SPTLC3: variants seen among roughly 807,000 people sequenced by gnomAD.
SPTLC3 encodes the protein serine palmitoyltransferase 3.
In SPTLC3, 36 loss-of-function variants were observed where a neutral mutation model predicts 59.3. The ratio of observed to expected loss-of-function variants is 0.61; its 90% CI spans 0.47 to 0.80. The LOEUF (loss-of-function observed/expected upper bound fraction) is 0.80, where lower values mean the gene tolerates loss of function less well. Ranked by LOEUF, SPTLC3 falls within the 30% of genes least tolerant of loss-of-function variation. The pLI, the probability that SPTLC3 is intolerant of heterozygous loss-of-function variation, is 0.00. For missense variants in SPTLC3, 625 were observed against 685.1 expected, an observed-to-expected ratio of 0.91 and a Z score of 0.98; for synonymous variants, 257 against 240.8, an observed-to-expected ratio of 1.07 and a Z score of -0.62.
intron 2 of SPTLC3, among the ~76,000 whole-genome samples, chr20:13,066,037 C>T (rs570427935): frequency 2.6e-5 from 4 of 152,348 alleles, no homozygotes; most frequent in South Asian, 4.1e-4. Flanking sequence ...ATAATTGAAA[C>T]GTTGTACCCT....
At position 13,076,138 on chromosome 20, in the gene SPTLC3, C is replaced by CA; in HGVS notation, c.607+1644dup. 3.3e-5 allele frequency among the ~76,000 whole-genome samples: 5 copies of CA among 152,164 alleles called. No individual in the cohort carries two copies. In the South Asian group the frequency reaches 1.0e-3, roughly 32 times the overall value. ...TTTTTCAAGTAAATAGTGAAAGACT[C>CA]AAAGAGAAGCCACCGTCACTAATTT... On this transcript the variant is annotated intron_variant, in intron 4 of 11. Coordinates refer to ENST00000399002, the MANE Select transcript of SPTLC3 (RefSeq NM_018327.4).
At chr20:13,162,509 A>G (rs924135320) in intron 11 of SPTLC3, among the ~76,000 whole-genome samples, 2 of 152,178 alleles carry the variant, frequency 1.3e-5, no homozygotes, top group Non-Finnish European at 2.9e-5. Context: ...GAAAATGGAA[A>G]ATGACCCTGA....
At chr20:13,064,034 T>C (rs1162656424) in intron 2 of SPTLC3, among the ~76,000 whole-genome samples, 1 of 151,334 alleles carries the variant, frequency 6.6e-6, no homozygotes, top group Non-Finnish European at 1.5e-5. Context: ...TCTTTTTCTT[T>C]TTCTTCTTTT....
At chr20:13,077,136 A>G (rs1988675834) in intron 4 of SPTLC3, among the ~76,000 whole-genome samples, 1 of 152,250 alleles carries the variant, frequency 6.6e-6, no homozygotes, top group South Asian at 2.1e-4. Context: ...AAAAAATGAT[A>G]TGGTAATAGG....
At position 13,167,581 on chromosome 20, in the gene SPTLC3, T is replaced by G. The variant is rs756072066; in HGVS notation, c.*2714T>G. The G allele has an allele frequency of 2.6e-5, 4 of 152,198 alleles. No individual in the cohort carries two copies. Among genetic ancestry groups the G allele is most frequent in the Non-Finnish European group, 5.9e-5 (4 of 68,036 alleles). The allele number at this position is 152,198 out of a possible 1,614,324, so 9.4% of individuals were successfully genotyped here. Reference sequence around the variant, plus strand: ...ACCTCAGGAAAGCAGAAGATAAAGGTTCCAGATGATATTTGTAAGGAGGCT... The same window carrying G: ...ACCTCAGGAAAGCAGAAGATAAAGGGTCCAGATGATATTTGTAAGGAGGCT... On this transcript the variant is annotated 3_prime_UTR_variant, in exon 12 of 12. Transcript: ENST00000399002.
At chr20:13,059,636 T>G (rs1356322001) in intron 2 of SPTLC3, among the ~76,000 whole-genome samples, 2 of 152,196 alleles carry the variant, frequency 1.3e-5, no homozygotes, top group East Asian at 1.9e-4. Context: ...TAATACCAGA[T>G]CAATGCTTTA....
chr20:13,164,569 C>T (rs2038959533), intron 11 of SPTLC3, 185 bp from the exon 12 acceptor site: 2 of 602,894 alleles, frequency 3.3e-6, no homozygotes, highest in Non-Finnish European at 3.0e-6. Context: ...TAATTAGCAT[C>T]TAACATTCCT....
chr20:13,071,622 G>T (rs1010861305), intron 2 of SPTLC3, among the ~76,000 whole-genome samples: 2 of 152,168 alleles, frequency 1.3e-5, no homozygotes, highest in Middle Eastern at 3.2e-3. Context: ...AACGGGAAGA[G>T]GGAACTATTA....
chr20:13,112,901 G>A (rs1990316726), intron 7 of SPTLC3, among the ~76,000 whole-genome samples: 1 of 152,176 alleles, frequency 6.6e-6, no homozygotes, highest in African/African-American at 2.4e-5. Flanking sequence ...TTTCCCATAA[G>A]GCCAGGTGCA....
At chr20:13,073,927 A>T in intron 3 of SPTLC3, 1 of 575,046 alleles carries the variant, frequency 1.7e-6, no homozygotes, top group Non-Finnish European at 3.5e-6. Context: ...TTCATCCTGG[A>T]TCATCCAGGG....
chr20:13,036,795 C>T (rs957780381), intron 1 of SPTLC3, among the ~76,000 whole-genome samples: 3 of 152,030 alleles, frequency 2.0e-5, no homozygotes, highest in Non-Finnish European at 4.4e-5. Context: ...CAGTCCTGCC[C>T]CCTCCACTGA....
chr20:13,075,060 A>G (rs1988592572), intron 4 of SPTLC3, among the ~76,000 whole-genome samples: 1 of 152,070 alleles, frequency 6.6e-6, no homozygotes, highest in Non-Finnish European at 1.5e-5. Context: ...AGAAAGAATA[A>G]TGCAAGCTTG....
intron 9 of SPTLC3, among the ~76,000 whole-genome samples, chr20:13,146,832 C>T (rs1176004076): frequency 1.3e-5 from 2 of 152,174 alleles, no homozygotes; most frequent in Non-Finnish European, 2.9e-5. Context: ...TCATCATGAG[C>T]GAGTTTACCA....
chr20:13,086,776 T>C (rs1265687073), intron 4 of SPTLC3, among the ~76,000 whole-genome samples: 1 of 152,042 alleles, frequency 6.6e-6, no homozygotes, highest in Non-Finnish European at 1.5e-5. Flanking sequence ...TGTTTTCTTT[T>C]TCCTTTTCCT....
rs1236337174 is a variant in SPTLC3 at position 13,091,886 on chromosome 20, A to G, written c.732+679A>G. On this transcript the variant is annotated intron_variant, in intron 5 of 11. Transcript: ENST00000399002. Reference sequence around the variant, plus strand: ...ATTTATTTTTTCATTCAATAAACCAATTATTGAGAACCTACTATGTCCTCA... The same window carrying G: ...ATTTATTTTTTCATTCAATAAACCAGTTATTGAGAACCTACTATGTCCTCA... Among the ~76,000 whole-genome samples the G allele has an allele frequency of 2.0e-5, 3 of 152,230 alleles. No homozygotes were observed. The East Asian group carries it at 5.8e-4, about 29-fold the overall frequency.
At chr20:13,082,990 T>C (rs1182129406) in intron 4 of SPTLC3, among the ~76,000 whole-genome samples, 1 of 152,202 alleles carries the variant, frequency 6.6e-6, no homozygotes, top group Non-Finnish European at 1.5e-5. Flanking sequence ...AAGAACCATG[T>C]GACAGAAATG....
At chr20:13,158,210 T>G (rs1470845038) in intron 10 of SPTLC3, among the ~76,000 whole-genome samples, 1 of 152,250 alleles carries the variant, frequency 6.6e-6, no homozygotes, top group Non-Finnish European at 1.5e-5. Context: ...TATTATTATT[T>G]CACAAAGTTT....
In SPTLC3 at chr20:13,159,988, T is replaced by C. The variant is rs1268228255; in HGVS notation, c.1416-15T>C. On this transcript the variant is annotated splice_polypyrimidine_tract_variant and intron_variant, in intron 10 of 11. Transcript: ENST00000399002. ...CTAACCACTTTTTTTTTTTCTTTTT[T>C]TGCTTTTCCTTAAGGGCTTTTGCAA... 1.3e-6 allele frequency: 2 copies of C among 1,531,700 alleles called. No individual in the cohort carries two copies. The highest frequency in any genetic ancestry group is 2.3e-5 in the East Asian group (1 of 43,746). 94.9% of individuals were successfully genotyped at this position (1,531,700 alleles called of 1,614,324 possible).
intron 1 of SPTLC3, among the ~76,000 whole-genome samples, chr20:13,033,279 A>G (rs1003212534): frequency 6.6e-6 from 1 of 152,182 alleles, no homozygotes; most frequent in African/African-American, 2.4e-5. Flanking sequence ...CCAAATCCCA[A>G]TGGCATAACC....
Sources: gnomAD v4.1 joint callset for allele counts (sites outside exome capture counted in the v4.1 genomes callset) on GRCh38, gnomAD v4.1.1 for gene constraint, MANE v1.5 for transcripts, NCBI Gene and HGNC (gene_info 2026-07-23, HGNC 2026-07-21) for gene names.